Variants in GABRR1 observed in about 807,000 individuals in gnomAD.
GABRR1 encodes the protein gamma-aminobutyric acid type A receptor subunit rho1.
A neutral mutation model predicts 55.5 loss-of-function variants in GABRR1; 59 were observed. That is an observed-to-expected ratio of 1.06 (90% CI 0.86 to 1.32). GABRR1 has a LOEUF of 1.32. GABRR1 is among the 40% of genes most tolerant of loss of function. The pLI is 0.00. For missense variants in GABRR1, 602 were observed against 619.1 expected, an observed-to-expected ratio of 0.97 and a Z score of 0.29; for synonymous variants, 213 against 226.0, an observed-to-expected ratio of 0.94 and a Z score of 0.51.
At chr6:89,217,363 A>G (rs888289169), upstream of GABRR1, 1 of 1,606,794 alleles carries the variant, frequency 6.2e-7, no homozygotes, top group Non-Finnish European at 8.5e-7. Context: ...AAACAGCAAA[A>G]AGGAAAAGAT....
rs1261464981 is a variant in GABRR1, at chr6:89,196,865, A to AAGAAAGAG, written c.572+1154_572+1155insCTCTTTCT. Among the ~76,000 whole-genome samples the AAGAAAGAG allele has an allele frequency of 6.5e-5, 9 of 138,252 alleles. No homozygotes were observed. The East Asian group carries it at 1.9e-3, about 29-fold the overall frequency. 90.7% of individuals were successfully genotyped at this position (138,252 alleles called of 152,430 possible). A position where few individuals can be genotyped will look rare whatever the true frequency, so the allele number is the denominator to read the frequency against. ...AAAGAAAGAAAGAAAGAAAGAAAGA[A>AAGAAAGAG]AGAAAGAAAGAAAGAGAAGAGAAGA... is the stretch of plus-strand genomic sequence containing the variant. On this transcript the variant is annotated intron_variant, in intron 5 of 9. Coordinates refer to ENST00000454853, the MANE Select transcript of GABRR1 (RefSeq NM_002042.5).
Position 89,185,340 on chromosome 6 carries a change from T to C in GABRR1, c.766A>G (p.Thr256Ala). ...CTGCTGTAGAAAGCCAGTTTGGTGG[T>C]GGTGTGGAATTCCTGAATGAGGAAC... ...SQFLIQEFHT[T>A]TKLAFYSSTG... The change falls in exon 7 of 10, where the codon ACC (threonine) becomes GCC (alanine). Residue 256 changes from threonine to alanine, a missense_variant. Thr to Ala is a moderately conservative substitution (Grantham distance 58, BLOSUM62 0). Around this residue, in one of 3 missense-constraint regions of GABRR1, gnomAD observed 435 missense variants for 424.2 expected, o/e 1.03. Transcript: ENST00000454853. 1.2e-6 allele frequency: 2 copies of C among 1,613,932 alleles called. No homozygotes were observed. Among genetic ancestry groups the C allele is most frequent in the African/African-American group, 1.3e-5 (1 of 75,032 alleles).
chr6:89,202,986 T>C (rs1286512212), intron 2 of GABRR1, among the ~76,000 whole-genome samples: 1 of 152,192 alleles, frequency 6.6e-6, no homozygotes, highest in Admixed American at 6.5e-5. Context: ...AGTGCTGGTA[T>C]TACAGGCGTG....
intron 7 of GABRR1, among the ~76,000 whole-genome samples, chr6:89,184,247 C>CA (rs1164564083): frequency 0.03 from 1,683 of 56,658 alleles, 47 homozygotes; most frequent in East Asian, 0.11. Context: ...GACTCCGTCT[C>CA]AAAAAAAAAA....
Position 89,180,278 on chromosome 6 carries a change from C to T in GABRR1, c.1146+14G>A, listed in dbSNP as rs2127788467. 9 of 1,612,074 alleles carry T rather than the reference C, an allele frequency of 5.6e-6. No individual in the cohort carries two copies. In the African/African-American group the frequency reaches 8.0e-5, roughly 14 times the overall value. ...CCATCCTGACCAGACACTATAAGCG[C>T]ATGGCAAAGTCACCTTCTCCCGCAG... On this transcript the variant is annotated intron_variant, in intron 9 of 9. Coordinates refer to ENST00000454853, the MANE Select transcript of GABRR1 (RefSeq NM_002042.5).
intron 6 of GABRR1, among the ~76,000 whole-genome samples, chr6:89,189,956 G>C (rs1377681238): frequency 1.3e-5 from 2 of 151,956 alleles, no homozygotes; most frequent in African/African-American, 2.4e-5. Context: ...TGAGGCAGGA[G>C]AATCACTTGA....
intron 6 of GABRR1, among the ~76,000 whole-genome samples, chr6:89,187,134 T>C (rs1186301876): frequency 5.3e-5 from 8 of 152,068 alleles, no homozygotes; most frequent in Non-Finnish European, 7.4e-5. Context: ...AGCGGACATG[T>C]AGAGGGACAG....
intron 1 of GABRR1, chr6:89,204,553 A>C: frequency 9.8e-7 from 1 of 1,023,134 alleles, no homozygotes; most frequent in Non-Finnish European, 1.3e-6. Context: ...GGAGGGAATG[A>C]AAGAGGAGAT....
chr6:89,186,896 T>C lies in GABRR1; in HGVS notation c.656-1446A>G, dbSNP rs950807077. Among the ~76,000 whole-genome samples, 7 of 152,232 alleles carry C rather than the reference T, an allele frequency of 4.6e-5. No homozygotes were observed. In the East Asian group the frequency reaches 1.3e-3, roughly 29 times the overall value. ...GCAGCTGTCCCTTTGGCCCCAGCGG[T>C]GTGTGATGTCAATGTCCCTGCACTC... On this transcript the variant is annotated intron_variant, in intron 6 of 9. Coordinates refer to ENST00000454853, the MANE Select transcript of GABRR1 (RefSeq NM_002042.5).
At chr6:89,182,188 A>G in intron 7 of GABRR1, 131 bp from the exon 8 acceptor site, 1 of 832,934 alleles carries the variant, frequency 1.2e-6, no homozygotes, top group Non-Finnish European at 1.8e-6. Flanking sequence ...TGAAATTGAG[A>G]GAAATCATGA....
intron 1 of GABRR1, among the ~76,000 whole-genome samples, chr6:89,205,942 G>C (rs868271950): frequency 6.7e-6 from 1 of 149,006 alleles, no homozygotes. Flanking sequence ...GAGAACACTG[G>C]CTCTAGCTCC....
intron 3 of GABRR1, among the ~76,000 whole-genome samples, chr6:89,200,699 A>G (rs1772442173): frequency 6.6e-6 from 1 of 152,116 alleles, no homozygotes; most frequent in Admixed American, 6.6e-5. Flanking sequence ...TTCTGCACTA[A>G]ATCATTATTC....
intron 5 of GABRR1, among the ~76,000 whole-genome samples, chr6:89,194,695 A>G (rs923786907): frequency 1.3e-5 from 2 of 152,152 alleles, no homozygotes; most frequent in South Asian, 2.1e-4. Flanking sequence ...AACAACAACA[A>G]AAATCAAACA....
At chr6:89,208,898 G>T (rs773047467) in intron 1 of GABRR1, among the ~76,000 whole-genome samples, 5 of 152,346 alleles carry the variant, frequency 3.3e-5, no homozygotes, top group Non-Finnish European at 5.9e-5. Flanking sequence ...CCAAAGGGCT[G>T]CCAGGGCTGT....
At chr6:89,203,021 A>G (rs148855177) in intron 2 of GABRR1, among the ~76,000 whole-genome samples, 80 of 152,332 alleles carry the variant, frequency 5.3e-4, no homozygotes, top group African/African-American at 1.9e-3. Context: ...ACCTGGAAGT[A>G]CTTCTCAAAC....
chr6:89,205,855 T>C (rs1272737217), intron 1 of GABRR1: 1 of 152,196 alleles, frequency 6.6e-6, no homozygotes, highest in Non-Finnish European at 1.5e-5. Flanking sequence ...TTGTATGTAG[T>C]GCAAAACACC....
In GABRR1 at chr6:89,200,081, A is replaced by G. The variant is rs74868505; in HGVS notation, c.281-652T>C. 1.6e-3 allele frequency among the ~76,000 whole-genome samples: 247 copies of G among 152,248 alleles called. 2 individuals carry two copies. Among genetic ancestry groups the G allele is most frequent in the South Asian group, 4.2e-3 (20 of 4,812 alleles). On this transcript the variant is annotated intron_variant, in intron 3 of 9. Coordinates refer to ENST00000454853, the MANE Select transcript of GABRR1 (RefSeq NM_002042.5). ...CTCTGATGCTCTGAGGATGAAGGGC[A>G]GGCATGGAGCACACTGAATCATTTG...
chr6:89,217,317 C>G lies in GABRR1; in HGVS notation c.6G>C (p.Leu2Phe), dbSNP rs1221216249. The change falls in exon 1 of 10, where the codon TTG (leucine) becomes TTC (phenylalanine). Residue 2 changes from leucine to phenylalanine, a missense_variant. Physicochemically the swap from Leu to Phe is conservative, Grantham distance 22. Around this residue, in one of 3 missense-constraint regions of GABRR1, gnomAD observed 435 missense variants for 424.2 expected, o/e 1.03. Coordinates refer to ENST00000454853, the MANE Select transcript of GABRR1 (RefSeq NM_002042.5). M[L>F]AVPNMRFGIF... is the part of the protein sequence containing the mutation. ...TGCCAAATCTCATATTTGGGACAGC[C>G]AACATGGGTTTCCAAATTCAAACAG... 5 of 1,614,022 alleles carry G rather than the reference C, an allele frequency of 3.1e-6. No individual in the cohort carries two copies. Among genetic ancestry groups the G allele is most frequent in the Non-Finnish European group, 4.2e-6 (5 of 1,180,002 alleles).
chr6:89,200,238 TC>T (rs1368186095), intron 3 of GABRR1, among the ~76,000 whole-genome samples: 9 of 139,328 alleles, frequency 6.5e-5, no homozygotes, highest in African/African-American at 2.4e-4. Context: ...TATTTCTTTT[TC>T]CCTTTTTTTT....
Sources: allele counts gnomAD v4.1 joint callset (sites outside exome capture counted in the v4.1 genomes callset), GRCh38; gene constraint gnomAD v4.1.1; regional missense constraint gnomAD v4.1.1; transcripts MANE v1.5; gene names NCBI Gene and HGNC (gene_info 2026-07-23, HGNC 2026-07-21).